Variants in GFRA1 observed in about 807,000 individuals in gnomAD.
GFRA1 encodes the protein GDNF family receptor alpha 1.
In GFRA1, 16 loss-of-function variants were observed where a neutral mutation model predicts 51.6. The observed-to-expected ratio is 0.31, with a 90% CI of 0.21 to 0.47. The LOEUF is 0.47. Among genes scored for constraint, GFRA1 ranks in the 20% least tolerant of loss-of-function variants. The probability of loss-of-function intolerance (pLI) is 1.00; values close to 1 mark genes in which losing one functional copy is unlikely to be tolerated. For missense variants in GFRA1, 530 were observed against 594.3 expected, an observed-to-expected ratio of 0.89 and a Z score of 1.13; for synonymous variants, 270 against 241.3, an observed-to-expected ratio of 1.12 and a Z score of -1.10.
rs1027440898 is a variant in GFRA1, at chr10:116,255,664, C to T, written c.418+13839G>A. ...ATCCACTCCCCACATCCCCACATTC[C>T]GGTCTCTGCCATCCCCTTCCAGAAC... is the stretch of plus-strand genomic sequence containing the variant. On this transcript the variant is annotated intron_variant, in intron 4 of 10. Transcript: ENST00000355422. 64 of 1,289,076 alleles carry T rather than the reference C, an allele frequency of 5.0e-5. No homozygotes were observed. In the African/African-American group the frequency reaches 7.9e-4, roughly 16 times the overall value. The allele number at this position is 1,289,076 out of a possible 1,614,324, so 79.9% of individuals were successfully genotyped here. A position where few individuals can be genotyped will look rare whatever the true frequency, so the allele number is the denominator to read the frequency against.
intron 5 of GFRA1, among the ~76,000 whole-genome samples, chr10:116,133,953 G>C (rs181632199): frequency 2.0e-3 from 305 of 152,324 alleles, no homozygotes; most frequent in African/African-American, 6.7e-3. Context: ...GGCTATCACT[G>C]TGGCCAGCAG....
chr10:116,114,736 G>A (rs1218173060), intron 6 of GFRA1, among the ~76,000 whole-genome samples: 2 of 149,952 alleles, frequency 1.3e-5, no homozygotes, highest in Non-Finnish European at 2.9e-5. Context: ...TGTTCTGGGG[G>A]GTATCACATT....
chr10:116,203,064 G>A lies in GFRA1; in HGVS notation c.433+8567C>T, dbSNP rs534464526. ...TGGGGGAGGGGTGCTAGAAATGAAG[G>A]CAGGTATCAGGGCTCGAGGAGGTCT... On this transcript the variant is annotated intron_variant, in intron 5 of 10. Transcript: ENST00000355422. 2.0e-5 allele frequency among the ~76,000 whole-genome samples: 3 copies of A among 152,184 alleles called. No homozygotes were observed. The East Asian group carries it at 5.8e-4, about 30-fold the overall frequency.
intron 5 of GFRA1, among the ~76,000 whole-genome samples, chr10:116,193,361 C>T (rs1333208040): frequency 6.6e-6 from 1 of 152,086 alleles, no homozygotes; most frequent in Non-Finnish European, 1.5e-5. Context: ...TCTTAAAAAT[C>T]TATTAACATA....
At chr10:116,266,799 G>A (rs1418746099) in intron 4 of GFRA1, among the ~76,000 whole-genome samples, 1 of 152,204 alleles carries the variant, frequency 6.6e-6, no homozygotes, top group Non-Finnish European at 1.5e-5. Context: ...GAATGACCAT[G>A]CCTCCTTAAC....
At chr10:116,205,963 C>CACAT (rs766443796) in intron 5 of GFRA1, among the ~76,000 whole-genome samples, 1 of 145,130 alleles carries the variant, frequency 6.9e-6, no homozygotes, top group African/African-American at 2.5e-5. Context: ...CACACACACA[C>CACAT]ACACACAAAG....
At chr10:116,118,212 T>C (rs1331355005) in intron 6 of GFRA1, among the ~76,000 whole-genome samples, 1 of 152,226 alleles carries the variant, frequency 6.6e-6, no homozygotes, top group Non-Finnish European at 1.5e-5. Flanking sequence ...CCCAAATTCC[T>C]GTCCTGTTCT....
intron 5 of GFRA1, among the ~76,000 whole-genome samples, chr10:116,131,089 A>G (rs1186364190): frequency 6.6e-6 from 1 of 152,186 alleles, no homozygotes; most frequent in African/African-American, 2.4e-5. Flanking sequence ...AAACAACCCA[A>G]TTAAACATGG....
intron 5 of GFRA1, among the ~76,000 whole-genome samples, chr10:116,160,579 C>T (rs1163404443): frequency 1.3e-5 from 2 of 152,174 alleles, no homozygotes; most frequent in Non-Finnish European, 2.9e-5. Context: ...TGGGATGAAA[C>T]CATAATCCAC....
At chr10:116,231,846 CTT>C (rs1392759178) in intron 4 of GFRA1, among the ~76,000 whole-genome samples, 1 of 152,168 alleles carries the variant, frequency 6.6e-6, no homozygotes, top group Non-Finnish European at 1.5e-5. Context: ...GGCACACAAG[CTT>C]ATTTAAAACG....
intron 5 of GFRA1, among the ~76,000 whole-genome samples, chr10:116,178,204 G>T (rs1348636796): frequency 6.6e-6 from 1 of 151,326 alleles, no homozygotes; most frequent in Non-Finnish European, 1.5e-5. Context: ...TTCAAATAAA[G>T]CTGAATTAGG....
intron 6 of GFRA1, among the ~76,000 whole-genome samples, chr10:116,111,498 A>C (rs2694808): frequency 0.93 from 141,010 of 152,252 alleles, 65,882 homozygotes; most frequent in Non-Finnish European, 0.99. Flanking sequence ...GCAGCTATGA[A>C]TTCCTGGGCT....
In GFRA1 at chr10:116,270,804, G is replaced by C. The variant is rs1259792506; in HGVS notation, c.334+18C>G. The C allele has an allele frequency of 2.5e-6, 4 of 1,603,436 alleles. 1 individual carries two copies. The South Asian group carries it at 3.3e-5, about 13-fold the overall frequency. ...TCGGGGAGGGACACGGGGTGGGGTGGGGAGGTTCCACGCGTACCCTGCAGG... is the reference window on the plus strand; with the variant it reads ...TCGGGGAGGGACACGGGGTGGGGTGCGGAGGTTCCACGCGTACCCTGCAGG... On this transcript the variant is annotated intron_variant, in intron 3 of 10. Transcript: ENST00000355422.
At chr10:116,141,034 G>A (rs1294793161) in intron 5 of GFRA1, among the ~76,000 whole-genome samples, 3 of 152,192 alleles carry the variant, frequency 2.0e-5, no homozygotes, top group Non-Finnish European at 4.4e-5. Context: ...TAGTATGATG[G>A]TAATAATGTA....
intron 4 of GFRA1, among the ~76,000 whole-genome samples, chr10:116,213,935 G>A (rs562986979): frequency 1.3e-5 from 2 of 152,254 alleles, no homozygotes; most frequent in South Asian, 2.1e-4. Flanking sequence ...ATGTAAATGG[G>A]TCCTATCAGT....
At chr10:116,145,657 G>A (rs1012655101) in intron 5 of GFRA1, among the ~76,000 whole-genome samples, 3 of 152,090 alleles carry the variant, frequency 2.0e-5, no homozygotes, top group African/African-American at 7.2e-5. Context: ...ATGAAAGGAG[G>A]CAGCTTTCCA....
intron 9 of GFRA1, among the ~76,000 whole-genome samples, chr10:116,071,698 C>A: frequency 6.6e-6 from 1 of 152,130 alleles, no homozygotes; most frequent in East Asian, 1.9e-4. Context: ...AAACCCTCTT[C>A]TTTGACCTGA....
At chr10:116,065,448 G>A (rs184172912) in intron 10 of GFRA1, 125 bp downstream of exon 10, 1 of 769,200 alleles carries the variant, frequency 1.3e-6, no homozygotes, top group Admixed American at 2.0e-5. Flanking sequence ...CATGGAGGGT[G>A]GCTTAGATTT....
intron 6 of GFRA1, among the ~76,000 whole-genome samples, chr10:116,120,639 A>G (rs1408522407): frequency 6.6e-6 from 1 of 152,232 alleles, no homozygotes; most frequent in Non-Finnish European, 1.5e-5. Context: ...TCTACCTAGT[A>G]ACATACTGCC....
Sources: allele counts gnomAD v4.1 joint callset (sites outside exome capture counted in the v4.1 genomes callset), GRCh38; gene constraint gnomAD v4.1.1; transcripts MANE v1.5; gene names NCBI Gene and HGNC (gene_info 2026-07-23, HGNC 2026-07-21).